Variants in STRBP observed in about 807,000 individuals in gnomAD.
STRBP encodes the protein spermatid perinuclear RNA-binding protein.
A neutral mutation model predicts 80.1 loss-of-function variants in STRBP; 13 were observed. The ratio of observed to expected loss-of-function variants is 0.16; its 90% confidence interval spans 0.11 to 0.26. The LOEUF (loss-of-function observed/expected upper bound fraction) is 0.26, where lower values mean the gene tolerates loss of function less well. STRBP is among the 10% of genes least tolerant of loss of function. The pLI is 1.00. For synonymous variants in STRBP, 284 were observed against 291.2 expected (o/e 0.98, Z 0.25); for missense variants, 485 against 815.2 (o/e 0.59, Z 4.93).
intron 1 of STRBP, among the ~76,000 whole-genome samples, chr9:123,258,586 G>A (rs1446124146): frequency 6.6e-6 from 1 of 152,014 alleles, no homozygotes; most frequent in Admixed American, 6.6e-5. Context: ...GGCGGATCAC[G>A]AGGTCAGGAA....
intron 13 of STRBP, among the ~76,000 whole-genome samples, chr9:123,146,353 C>T (rs2036813538): frequency 6.6e-6 from 1 of 151,586 alleles, no homozygotes; most frequent in African/African-American, 2.4e-5. Context: ...TAGAAACAAT[C>T]TGGAATAAGC....
At chr9:123,152,057 G>C (rs7019463) in intron 11 of STRBP, among the ~76,000 whole-genome samples, 47,767 of 151,928 alleles carry the variant, frequency 0.31, 11,034 homozygotes, top group East Asian at 0.75. Context: ...TTTAAATTTA[G>C]TTGAAATGGA....
chr9:123,167,197 T>C (rs528299710), intron 6 of STRBP, among the ~76,000 whole-genome samples: 2 of 152,182 alleles, frequency 1.3e-5, no homozygotes, highest in African/African-American at 2.4e-5. Flanking sequence ...TGTGTATGTA[T>C]TGTGAACAGT....
At chr9:123,211,666 T>G (rs193245259) in intron 2 of STRBP, among the ~76,000 whole-genome samples, 220 of 152,330 alleles carry the variant, frequency 1.4e-3, no homozygotes, top group African/African-American at 5.1e-3. Context: ...TCTTCCTGAC[T>G]GAAGTATAAT....
chr9:123,145,427 G>C (rs1053896325), intron 13 of STRBP, among the ~76,000 whole-genome samples: 6 of 152,262 alleles, frequency 3.9e-5, no homozygotes, highest in Non-Finnish European at 5.9e-5. Context: ...AAATTTTACT[G>C]AATTGGAATT....
chr9:123,195,992 T>C (rs2039078124), intron 2 of STRBP, among the ~76,000 whole-genome samples: 1 of 152,066 alleles, frequency 6.6e-6, no homozygotes. Flanking sequence ...AGTGCTGGCA[T>C]AAAAACAGAC....
In STRBP at chr9:123,122,287, A is replaced by G; in HGVS notation, c.*3310T>C. The G allele has an allele frequency of 7.8e-7, 1 of 1,274,356 alleles. No homozygotes were observed. The highest frequency in any genetic ancestry group is 1.0e-6 in the Non-Finnish European group (1 of 975,308). 78.9% of individuals were successfully genotyped at this position (1,274,356 alleles called of 1,614,324 possible). A position where few individuals can be genotyped will look rare whatever the true frequency, so the allele number is the denominator to read the frequency against. On this transcript the variant is annotated 3_prime_UTR_variant, in exon 19 of 19. Transcript: ENST00000348403. ...GAAGGTCCGAGGAGAACGAGAATAA[A>G]GTGAGATAAACGTGCTGAAAACTGC...
chr9:123,139,574 G>A lies in STRBP; in HGVS notation c.1452C>T (p.Ser484=). Residue 484 remains serine (S), a synonymous_variant, in exon 14 of 19, where the codon AGC becomes AGT. Coordinates refer to ENST00000348403, the MANE Select transcript of STRBP (RefSeq NM_018387.5). ...CAGTTGTAGAATTTCCAGTATTATT[G>A]CTTGAGTTTGAAGACACTGTTTCAT... ...SKNETVSSNS[S]NNTGNSTTET... is the part of the protein sequence containing the mutation. The A allele has an allele frequency of 6.2e-7, 1 of 1,612,278 alleles. No individual in the cohort carries two copies. Among genetic ancestry groups the A allele is most frequent in the Non-Finnish European group, 8.5e-7 (1 of 1,179,560 alleles).
At chr9:123,216,532 A>G (rs548279232) in intron 2 of STRBP, among the ~76,000 whole-genome samples, 1 of 152,326 alleles carries the variant, frequency 6.6e-6, no homozygotes, top group East Asian at 1.9e-4. Context: ...GCTCCATGCA[A>G]ATATATGTCG....
At chr9:123,156,336 C>A (rs960293029) in intron 11 of STRBP, among the ~76,000 whole-genome samples, 2 of 151,916 alleles carry the variant, frequency 1.3e-5, no homozygotes, top group African/African-American at 2.4e-5. Context: ...AAGAAAATGG[C>A]CTTCATTCCT....
intron 4 of STRBP, among the ~76,000 whole-genome samples, chr9:123,176,244 C>A (rs532623831): frequency 1.3e-5 from 2 of 152,326 alleles, no homozygotes; most frequent in East Asian, 3.9e-4. Flanking sequence ...AACCCTACCC[C>A]TATCCATCCT....
At position 123,126,531 on chromosome 9, in the gene STRBP, C is replaced by T. The variant is rs1056242193; in HGVS notation, c.1943-858G>A. Among the ~76,000 whole-genome samples the T allele has an allele frequency of 6.6e-6, 1 of 151,798 alleles. No homozygotes were observed. The highest frequency in any genetic ancestry group is 1.5e-5 in the Non-Finnish European group (1 of 68,000). ...AGAGAGGAGCTTTCTGATGTGGGGG[C>T]TCAGAGGGCACAGGGTGAAAGTATA... On this transcript the variant is annotated intron_variant, in intron 18 of 18. Coordinates refer to ENST00000348403, the MANE Select transcript of STRBP (RefSeq NM_018387.5). This position sits in a 1 kb window ranked among gnomAD's most constrained non-coding sequence, Gnocchi z 4.4.
At chr9:123,185,494 T>G (rs1778909041) in intron 2 of STRBP, among the ~76,000 whole-genome samples, 1 of 152,208 alleles carries the variant, frequency 6.6e-6, no homozygotes, top group Non-Finnish European at 1.5e-5. Context: ...AATGCATAAG[T>G]GCTGCAATTC....
At chr9:123,133,545 GTT>G (rs80271954) in intron 16 of STRBP, among the ~76,000 whole-genome samples, 1 of 146,638 alleles carries the variant, frequency 6.8e-6, no homozygotes, top group Non-Finnish European at 1.5e-5. Flanking sequence ...TCTTTTTTTG[GTT>G]TTTTTTTTTG....
chr9:123,197,910 G>C (rs2039162280), intron 2 of STRBP, among the ~76,000 whole-genome samples: 1 of 151,954 alleles, frequency 6.6e-6, no homozygotes, highest in Non-Finnish European at 1.5e-5. Flanking sequence ...CTGACCTCAA[G>C]TTATCTGTTT....
chr9:123,232,112 G>A (rs1471766421), intron 2 of STRBP, among the ~76,000 whole-genome samples: 10 of 152,154 alleles, frequency 6.6e-5, no homozygotes, highest in Admixed American at 5.9e-4. Flanking sequence ...GGGAATTCGA[G>A]ACCAGCCTGG....
chr9:123,266,090 C>T (rs570940738), intron 1 of STRBP, among the ~76,000 whole-genome samples: 1 of 152,306 alleles, frequency 6.6e-6, no homozygotes, highest in East Asian at 1.9e-4. Flanking sequence ...CCCTTGAATG[C>T]TACTGGCCAC....
At chr9:123,175,499 T>C (rs991683717) in intron 4 of STRBP, among the ~76,000 whole-genome samples, 14 of 152,184 alleles carry the variant, frequency 9.2e-5, no homozygotes, top group South Asian at 6.2e-4. Flanking sequence ...GGCACACTTA[T>C]AGAGATTCAA....
chr9:123,141,132 T>C (rs376457950), intron 13 of STRBP, among the ~76,000 whole-genome samples: 6 of 152,368 alleles, frequency 3.9e-5, no homozygotes, highest in African/African-American at 1.4e-4. Context: ...AAAAAATGGT[T>C]ATGGTGGCCA....
Sources: gnomAD v4.1 joint callset for allele counts (sites outside exome capture counted in the v4.1 genomes callset) on GRCh38, gnomAD v4.1.1 for gene constraint, Gnocchi (gnomAD v3.1) non-coding constraint, MANE v1.5 for transcripts, NCBI Gene and HGNC (gene_info 2026-07-23, HGNC 2026-07-21) for gene names.